The following CSMD1 variants were observed in gnomAD, a reference collection of about 807,000 sequenced individuals.
CSMD1 encodes the protein CUB and sushi domain-containing protein 1.
Under a neutral mutation model 417.5 loss-of-function variants are expected in CSMD1, and 213 were observed. That is an observed-to-expected ratio of 0.51 (90% CI 0.46 to 0.57). The LOEUF is 0.57. Ranked by LOEUF, CSMD1 falls within the 20% of genes least tolerant of loss-of-function variation. The probability of loss-of-function intolerance (pLI) is 0.00; values close to 1 mark genes in which losing one functional copy is unlikely to be tolerated. For missense variants in CSMD1, 6,923 were observed against 4,529.7 expected (o/e 1.53, Z -15.17); for synonymous variants, 2,862 against 1,736.8 (o/e 1.65, Z -16.11).
At chr8:4,985,146 T>A (rs192424219) in intron 1 of CSMD1, among the ~76,000 whole-genome samples, 1 of 152,092 alleles carries the variant, frequency 6.6e-6, no homozygotes, top group East Asian at 1.9e-4. Flanking sequence ...CACTTATAAG[T>A]GGGAGCAAAA....
intron 3 of CSMD1, among the ~76,000 whole-genome samples, chr8:4,356,835 T>C (rs1157849334): frequency 1.3e-5 from 2 of 152,220 alleles, no homozygotes; most frequent in Non-Finnish European, 2.9e-5. Flanking sequence ...ACATTCCTAG[T>C]TGTTCAGCTA....
At position 3,175,483 on chromosome 8, in the gene CSMD1, T is replaced by G. The variant is rs372088729; in HGVS notation, c.5725+5627A>C. ...CTTTCCTTCCTTCTTTTCCCTTCCT[T>G]CCTGCCTGCCTGCCTGCCTGCCTGC... is the stretch of plus-strand genomic sequence containing the variant. On this transcript the variant is annotated intron_variant, in intron 37 of 69. Coordinates refer to ENST00000635120, the MANE Select transcript of CSMD1 (RefSeq NM_033225.6). Among the ~76,000 whole-genome samples the G allele has an allele frequency of 4.5e-3, 544 of 121,648 alleles. 2 individuals carry two copies. The highest frequency in any genetic ancestry group is 0.012 in the African/African-American group (366 of 30,506). 79.8% of individuals were successfully genotyped at this position (121,648 alleles called of 152,430 possible).
chr8:4,225,851 A>T (rs900464715), intron 3 of CSMD1, among the ~76,000 whole-genome samples: 3 of 152,190 alleles, frequency 2.0e-5, no homozygotes, highest in Non-Finnish European at 4.4e-5. Flanking sequence ...AGCCTAAATG[A>T]AAGTTTTAAC....
intron 3 of CSMD1, among the ~76,000 whole-genome samples, chr8:4,281,709 T>C (rs1227092429): frequency 3.3e-5 from 5 of 152,370 alleles, no homozygotes; most frequent in Non-Finnish European, 7.3e-5. Flanking sequence ...AAGTCATTTT[T>C]TGTATAAACA....
At chr8:4,263,006 T>C (rs1017018423) in intron 3 of CSMD1, among the ~76,000 whole-genome samples, 2 of 152,198 alleles carry the variant, frequency 1.3e-5, no homozygotes, top group Non-Finnish European at 2.9e-5. Context: ...CAGTCACTAA[T>C]TCTGTCTTGG....
intron 7 of CSMD1, among the ~76,000 whole-genome samples, chr8:3,684,210 TATAA>T (rs1442383290): frequency 4.5e-5 from 6 of 134,194 alleles, no homozygotes; most frequent in African/African-American, 1.7e-4. Context: ...TGTAATTATA[TATAA>T]TATATAACAT....
At chr8:3,700,972 T>G (rs1339188835) in intron 7 of CSMD1, among the ~76,000 whole-genome samples, 4 of 151,126 alleles carry the variant, frequency 2.6e-5, no homozygotes, top group African/African-American at 7.3e-5. Flanking sequence ...GATGACATGA[T>G]GATACAGGTG....
chr8:3,780,505 A>G (rs1166954909), intron 5 of CSMD1, among the ~76,000 whole-genome samples: 1 of 152,204 alleles, frequency 6.6e-6, no homozygotes, highest in Non-Finnish European at 1.5e-5. Context: ...CATTCCATCA[A>G]GTCAATTTTT....
intron 11 of CSMD1, among the ~76,000 whole-genome samples, chr8:3,482,979 C>G (rs989413674): frequency 3.9e-5 from 6 of 151,908 alleles, no homozygotes; most frequent in Non-Finnish European, 8.8e-5. Context: ...GCAGATAAAA[C>G]AGTGCCAAGA....
chr8:3,620,171 T>C (rs1802353015), intron 7 of CSMD1, among the ~76,000 whole-genome samples: 1 of 152,088 alleles, frequency 6.6e-6, no homozygotes, highest in Non-Finnish European at 1.5e-5. Flanking sequence ...AAATGTCAGC[T>C]GAAAATTCTA....
chr8:4,194,059 C>CA (rs1201899570), intron 3 of CSMD1, among the ~76,000 whole-genome samples: 2 of 152,048 alleles, frequency 1.3e-5, no homozygotes, highest in Middle Eastern at 3.4e-3. Flanking sequence ...CTTTCATATA[C>CA]AAAAAATATA....
At chr8:3,613,098 TACTC>T (rs939790265) in intron 8 of CSMD1, among the ~76,000 whole-genome samples, 8 of 152,066 alleles carry the variant, frequency 5.3e-5, no homozygotes, top group African/African-American at 1.9e-4. Context: ...GTGAAATTAC[TACTC>T]ATTTAAAGGA....
intron 5 of CSMD1, among the ~76,000 whole-genome samples, chr8:3,994,927 G>C (rs973860591): frequency 2.0e-5 from 3 of 152,032 alleles, no homozygotes; most frequent in African/African-American, 7.3e-5. Context: ...GATCATATGT[G>C]TATCTGCCCT....
chr8:4,836,336 T>C (rs1040932609), intron 1 of CSMD1, among the ~76,000 whole-genome samples: 4 of 152,200 alleles, frequency 2.6e-5, no homozygotes, highest in Non-Finnish European at 1.5e-5. Flanking sequence ...ACCATTTCCA[T>C]GTCTTATGAA....
At position 3,502,311 on chromosome 8, in the gene CSMD1, G is replaced by C. The variant is rs545517221; in HGVS notation, c.1345-8585C>G. Among the ~76,000 whole-genome samples the C allele has an allele frequency of 2.1e-3, 307 of 148,794 alleles. 4 individuals carry two copies. Among genetic ancestry groups the C allele is most frequent in the African/African-American group, 7.3e-3 (294 of 40,282 alleles). On this transcript the variant is annotated intron_variant, in intron 10 of 69. Coordinates refer to ENST00000635120, the MANE Select transcript of CSMD1 (RefSeq NM_033225.6). ...ACCCAGGAGGAGGAGCTTGCAGTGAGCTGAGATCGCGCCACTGCACTGCAG... is the reference window on the plus strand; with the variant it reads ...ACCCAGGAGGAGGAGCTTGCAGTGACCTGAGATCGCGCCACTGCACTGCAG...
chr8:4,314,402 A>G (rs1798805123), intron 3 of CSMD1, among the ~76,000 whole-genome samples: 1 of 152,210 alleles, frequency 6.6e-6, no homozygotes, highest in Non-Finnish European at 1.5e-5. Flanking sequence ...AGGCAAACTA[A>G]CAGAAATAAG....
intron 10 of CSMD1, among the ~76,000 whole-genome samples, chr8:3,494,549 TTAGATGATAGA>T (rs1389805067): frequency 2.2e-5 from 3 of 138,350 alleles, no homozygotes; most frequent in African/African-American, 8.4e-5. Flanking sequence ...TACAGACAGA[TTAGATGATAGA>T]TAGATAGATA....
chr8:4,216,612 G>A (rs1800687025), intron 3 of CSMD1, among the ~76,000 whole-genome samples: 1 of 152,216 alleles, frequency 6.6e-6, no homozygotes, highest in Non-Finnish European at 1.5e-5. Context: ...AGGACACCGT[G>A]AAGTGTGAAT....
intron 1 of CSMD1, among the ~76,000 whole-genome samples, chr8:4,899,041 G>A (rs1804690036): frequency 1.3e-5 from 2 of 152,056 alleles, no homozygotes; most frequent in African/African-American, 4.8e-5. Flanking sequence ...ACTCCTTTGG[G>A]GACAGCTTGA....
Sources: gnomAD v4.1 joint callset for allele counts (sites outside exome capture counted in the v4.1 genomes callset) on GRCh38, gnomAD v4.1.1 for gene constraint, MANE v1.5 for transcripts, NCBI Gene and HGNC (gene_info 2026-07-23, HGNC 2026-07-21) for gene names.